Variants in ASCC2 observed in about 807,000 individuals in gnomAD.
ASCC2 encodes activating signal cointegrator 1 complex subunit 2.
Under a neutral mutation model 93.5 loss-of-function variants are expected in ASCC2, and 42 were observed. The observed-to-expected ratio is 0.45, with a 90% confidence interval of 0.35 to 0.58. The LOEUF is 0.58. Among genes scored for constraint, ASCC2 ranks in the 20% least tolerant of loss-of-function variants. ASCC2 has a pLI of 0.00. For missense variants in ASCC2, 859 were observed against 977.6 expected, an observed-to-expected ratio of 0.88 and a Z score of 1.62; for synonymous variants, 364 against 384.2, an observed-to-expected ratio of 0.95 and a Z score of 0.62.
chr22:29,802,165 A>AC lies in ASCC2; in HGVS notation c.1396dup (p.Val466GlyfsTer19). 2 of 1,614,056 alleles carry AC rather than the reference A, an allele frequency of 1.2e-6. No individual in the cohort carries two copies. Among genetic ancestry groups the AC allele is most frequent in the Non-Finnish European group, 8.5e-7 (1 of 1,180,018 alleles). On this transcript the variant is annotated frameshift_variant, in exon 14 of 20. Transcript: ENST00000307790. LOFTEE classifies it high-confidence loss of function. ...TTGGGAGATGAGAGAGTCCAGTTCC[A>AC]CCCCACACATGGCAGGGCCCACAGC...
At chr22:29,795,441 C>T (rs907206127) in intron 15 of ASCC2, among the ~76,000 whole-genome samples, 2 of 151,896 alleles carry the variant, frequency 1.3e-5, no homozygotes, top group African/African-American at 4.8e-5. Flanking sequence ...CTTTCCTTGC[C>T]AACAAACAAA....
chr22:29,808,597 G>GATGGGGGTTGTAGAGCTCCC (rs2059944097), intron 8 of ASCC2, among the ~76,000 whole-genome samples: 1 of 152,088 alleles, frequency 6.6e-6, no homozygotes, highest in Admixed American at 6.5e-5. Context: ...GAGGCAGGAA[G>GATGGGGGTTGTAGAGCTCCC]ATTGCTTGAG....
At chr22:29,806,113 C>T in intron 12 of ASCC2, 103 bp downstream of exon 12, 1 of 1,326,454 alleles carries the variant, frequency 7.5e-7, no homozygotes. Context: ...CCCATGCGTT[C>T]TGGGGCTAAA....
Position 29,801,063 on chromosome 22 carries a change from A to G in ASCC2, c.1616T>C (p.Val539Ala). The G allele has an allele frequency of 6.2e-7, 1 of 1,609,250 alleles. No individual in the cohort carries two copies. The highest frequency in any genetic ancestry group is 8.5e-7 in the Non-Finnish European group (1 of 1,176,126). Residue 539 changes from valine to alanine, a missense_variant, in exon 15 of 20, where the codon GTC becomes GCC. Physicochemically the swap from Val to Ala is moderately conservative, Grantham distance 64. Transcript: ENST00000307790. Reference sequence around the variant, plus strand: ...CACATCAAACTCGTCATTCTGGAAGACGTTGTGGCGAGACGTCAGCAGGGG... The same window carrying G: ...CACATCAAACTCGTCATTCTGGAAGGCGTTGTGGCGAGACGTCAGCAGGGG... ...PTPLLTSRHNVFQNDEFDVFS... is the reference protein window; with the variant it reads ...PTPLLTSRHNAFQNDEFDVFS...
chr22:29,806,116 G>T, intron 12 of ASCC2, 100 bp downstream of exon 12: 1 of 1,346,330 alleles, frequency 7.4e-7, no homozygotes, highest in African/African-American at 1.4e-5. Context: ...ATGCGTTCTG[G>T]GGCTAAACCT....
chr22:29,813,685 C>A (rs2060525353), intron 7 of ASCC2, 143 bp from the exon 8 acceptor site: 2 of 632,308 alleles, frequency 3.2e-6, no homozygotes, highest in Non-Finnish European at 2.8e-6. Context: ...AGGTCCCAGG[C>A]AAAGTCTGGC....
At chr22:29,792,698 T>G (rs1243760591) in intron 17 of ASCC2, among the ~76,000 whole-genome samples, 163 bp from the exon 18 acceptor site, 1 of 152,084 alleles carries the variant, frequency 6.6e-6, no homozygotes, top group Non-Finnish European at 1.5e-5. Flanking sequence ...GCCCCTGGAT[T>G]CTCTGAGGTT....
intron 4 of ASCC2, 103 bp from the exon 5 acceptor site, chr22:29,822,567 C>T: frequency 7.2e-7 from 1 of 1,388,908 alleles, no homozygotes; most frequent in Non-Finnish European, 9.9e-7. Context: ...CAAATGGGGA[C>T]TGGTTAATGA....
At position 29,825,825 on chromosome 22, in the gene ASCC2, G is replaced by A. The variant is rs375769759; in HGVS notation, c.82-45C>T. On this transcript the variant is annotated intron_variant, in intron 2 of 19. Coordinates refer to ENST00000307790, the MANE Select transcript of ASCC2 (RefSeq NM_032204.5). The surrounding 1 kb of genome is among the most constrained non-coding windows in gnomAD (Gnocchi z 4.9). ...GTGTTAACGTGGCAGAGGTTAGTCA[G>A]CGAGGGCCCATTTGCCAACCCACAG... The A allele has an allele frequency of 1.5e-5, 23 of 1,564,594 alleles. No individual in the cohort carries two copies. The East Asian group carries it at 3.6e-4, about 25-fold the overall frequency.
In ASCC2 at chr22:29,793,653, C is replaced by T. The variant is rs61736786; in HGVS notation, c.1712G>A (p.Arg571Gln). ...TGCACGCTTGTCGTTCAGCAAACTC[C>T]GCGTGTTTTCCTCCTTCCTGGTGCT... The part of the protein sequence containing the change: ...GKSTRKEENT[R>Q]SLLNDKRAVA... Residue 571 changes from arginine (R) to glutamine (Q), a missense_variant, in exon 16 of 20, where the codon CGG (arginine) becomes CAG (glutamine). By Grantham distance (43) the Arg-to-Gln change is conservative (BLOSUM62 1). Transcript: ENST00000307790. 0.029 allele frequency: 45,869 copies of T among 1,579,796 alleles called. 856 individuals carry two copies. The highest frequency in any genetic ancestry group is 0.074 in the Admixed American group (4,038 of 54,416).
chr22:29,810,546 A>C (rs1346441217), intron 8 of ASCC2, among the ~76,000 whole-genome samples: 1 of 152,230 alleles, frequency 6.6e-6, no homozygotes, highest in Non-Finnish European at 1.5e-5. Flanking sequence ...AAACAGGTTC[A>C]GCTGTTGCCA....
intron 15 of ASCC2, among the ~76,000 whole-genome samples, chr22:29,795,570 T>C (rs2058330051): frequency 6.6e-6 from 1 of 152,182 alleles, no homozygotes; most frequent in Non-Finnish European, 1.5e-5. Context: ...CCCACCTCAC[T>C]ACAGCAGCCT....
chr22:29,805,536 C>T (rs186307625), intron 12 of ASCC2, among the ~76,000 whole-genome samples: 50 of 152,292 alleles, frequency 3.3e-4, no homozygotes, highest in African/African-American at 8.7e-4. Context: ...CACAACCTTC[C>T]GCGCTCCCCA....
intron 13 of ASCC2, among the ~76,000 whole-genome samples, chr22:29,803,628 C>T (rs550192114): frequency 1.3e-5 from 2 of 152,214 alleles, no homozygotes; most frequent in African/African-American, 4.8e-5. Flanking sequence ...TGTGGAGATG[C>T]TCCCCTTTAA....
At chr22:29,797,302 TCTC>T (rs2058562891) in intron 15 of ASCC2, among the ~76,000 whole-genome samples, 1 of 152,080 alleles carries the variant, frequency 6.6e-6, no homozygotes, top group South Asian at 2.1e-4. Flanking sequence ...CCCTTCCTCA[TCTC>T]CTCAAGCCTG....
chr22:29,811,362 G>A (rs1171358802), intron 8 of ASCC2, among the ~76,000 whole-genome samples: 1 of 152,212 alleles, frequency 6.6e-6, no homozygotes, highest in Non-Finnish European at 1.5e-5. Flanking sequence ...TGGGAAAGTA[G>A]AAAGGGGGAC....
In ASCC2 at chr22:29,807,781, C is replaced by T. The variant is rs112597406; in HGVS notation, c.908+330G>A. On this transcript the variant is annotated intron_variant, in intron 9 of 19. Coordinates refer to ENST00000307790, the MANE Select transcript of ASCC2 (RefSeq NM_032204.5). ...AAAATTAGCCAGGTGTGGTGGCACA[C>T]GCCTATAATCCCAGCTACTCGGGAG... 5.9e-3 allele frequency among the ~76,000 whole-genome samples: 898 copies of T among 152,144 alleles called. 6 individuals are homozygous for T. The highest frequency in any genetic ancestry group is 0.021 in the African/African-American group (860 of 41,478).
intron 1 of ASCC2, among the ~76,000 whole-genome samples, chr22:29,833,802 G>A (rs2063440253): frequency 6.6e-6 from 1 of 151,890 alleles, no homozygotes; most frequent in Non-Finnish European, 1.5e-5. Flanking sequence ...GGGGACATGA[G>A]CTACCAGCTG....
At chr22:29,831,879 C>T (rs1235057793) in intron 2 of ASCC2, among the ~76,000 whole-genome samples, 8 of 152,202 alleles carry the variant, frequency 5.3e-5, no homozygotes, top group Non-Finnish European at 8.8e-5. Context: ...TTAGATAGCT[C>T]TGAAAACGCT....
Sources: gnomAD v4.1 joint callset for allele counts (sites outside exome capture counted in the v4.1 genomes callset) on GRCh38, gnomAD v4.1.1 for gene constraint, Gnocchi (gnomAD v3.1) non-coding constraint, MANE v1.5 for transcripts, NCBI Gene and HGNC (gene_info 2026-07-23, HGNC 2026-07-21) for gene names.